The following DCC variants were observed in gnomAD, a reference collection of about 807,000 sequenced individuals.
DCC encodes the protein netrin receptor DCC.
DCC carries 58 observed loss-of-function variants against 172.5 expected under a neutral mutation model. The observed-to-expected ratio is 0.34, with a 90% CI of 0.27 to 0.42. DCC has a LOEUF of 0.42. Among genes scored for constraint, DCC ranks in the 10% least tolerant of loss-of-function variants. DCC has a pLI of 1.00. For synonymous variants in DCC, 709 were observed against 644.5 expected, an observed-to-expected ratio of 1.10 and a Z score of -1.52; for missense variants, 1,740 against 1,791.0, an observed-to-expected ratio of 0.97 and a Z score of 0.51.
intron 2 of DCC, among the ~76,000 whole-genome samples, chr18:52,801,647 C>T (rs920940127): frequency 4.6e-5 from 7 of 152,178 alleles, no homozygotes; most frequent in African/African-American, 1.7e-4. Flanking sequence ...TATTTTGAAT[C>T]TTACAGAAGG....
At chr18:52,360,328 A>G (rs1034118725) in intron 1 of DCC, among the ~76,000 whole-genome samples, 1 of 152,234 alleles carries the variant, frequency 6.6e-6, no homozygotes, top group Admixed American at 6.5e-5. Flanking sequence ...CTGCCACCTT[A>G]TAAAAGACTA....
chr18:53,491,068 G>A (rs1318456934), intron 26 of DCC, among the ~76,000 whole-genome samples: 3 of 152,124 alleles, frequency 2.0e-5, no homozygotes, highest in African/African-American at 7.2e-5. Flanking sequence ...ACCTACCTAT[G>A]TAAAGCCATT....
chr18:52,967,759 A>G (rs1220232581), intron 5 of DCC, among the ~76,000 whole-genome samples: 1 of 152,188 alleles, frequency 6.6e-6, no homozygotes, highest in Non-Finnish European at 1.5e-5. Flanking sequence ...TATATTCGGT[A>G]TATTTATTTA....
At chr18:52,919,635 C>CT (rs11309864) in intron 3 of DCC, among the ~76,000 whole-genome samples, 10,368 of 148,488 alleles carry the variant, frequency 0.07, 469 homozygotes, top group East Asian at 0.24. Flanking sequence ...GTCGATGGTT[C>CT]TTTTTTTTTT....
intron 25 of DCC, among the ~76,000 whole-genome samples, chr18:53,483,246 T>C (rs1182791893): frequency 6.6e-6 from 1 of 152,014 alleles, no homozygotes; most frequent in African/African-American, 2.4e-5. Context: ...TATATATCCA[T>C]AATGTGCTTT....
chr18:53,035,884 CT>C (rs33985130), intron 5 of DCC, among the ~76,000 whole-genome samples: 15,624 of 152,002 alleles, frequency 0.1, 1,146 homozygotes, highest in East Asian at 0.37. Flanking sequence ...TATTTGCATA[CT>C]TGTTGTCATA....
intron 2 of DCC, among the ~76,000 whole-genome samples, chr18:52,772,540 G>A (rs1179395867): frequency 2.6e-5 from 4 of 152,124 alleles, no homozygotes; most frequent in African/African-American, 4.8e-5. Flanking sequence ...TACCATGGGA[G>A]GTCTAATAAT....
chr18:53,252,675 C>G (rs1241947756), intron 12 of DCC, among the ~76,000 whole-genome samples: 1 of 151,822 alleles, frequency 6.6e-6, no homozygotes, highest in East Asian at 1.9e-4. Context: ...AAGGGCTGTT[C>G]AAGATTAAGG....
At chr18:52,662,324 G>C (rs886453664) in intron 1 of DCC, among the ~76,000 whole-genome samples, 1 of 152,114 alleles carries the variant, frequency 6.6e-6, no homozygotes, top group East Asian at 1.9e-4. Context: ...AAACCAGAAA[G>C]CAGAGAGGAG....
At chr18:52,670,154 T>A (rs2035525984) in intron 1 of DCC, among the ~76,000 whole-genome samples, 2 of 152,228 alleles carry the variant, frequency 1.3e-5, no homozygotes, top group African/African-American at 4.8e-5. Context: ...CTGTTGTCTT[T>A]TAAATTTTAG....
chr18:52,369,360 A>G (rs1985016583), intron 1 of DCC, among the ~76,000 whole-genome samples: 1 of 151,856 alleles, frequency 6.6e-6, no homozygotes, highest in African/African-American at 2.4e-5. Context: ...CAGGTCCTTC[A>G]ATAGTGGGAA....
intron 1 of DCC, among the ~76,000 whole-genome samples, chr18:52,721,896 G>A (rs1661300328): frequency 6.6e-6 from 1 of 152,064 alleles, no homozygotes; most frequent in Non-Finnish European, 1.5e-5. Flanking sequence ...ATGGTGGCAG[G>A]CACCTGAATC....
intron 1 of DCC, among the ~76,000 whole-genome samples, chr18:52,454,088 T>C (rs1988387520): frequency 6.6e-6 from 1 of 152,202 alleles, no homozygotes; most frequent in South Asian, 2.1e-4. Context: ...TATCTCTGAC[T>C]GCTTCAGTGA....
intron 1 of DCC, chr18:52,408,945 C>T (rs1253128179): frequency 2.0e-5 from 3 of 151,996 alleles, no homozygotes; most frequent in Non-Finnish European, 4.4e-5. Flanking sequence ...CTCATGTCAT[C>T]CTTATGAGGT....
At chr18:53,110,154 A>T (rs1468647818) in intron 7 of DCC, among the ~76,000 whole-genome samples, 5 of 151,726 alleles carry the variant, frequency 3.3e-5, no homozygotes, top group African/African-American at 1.2e-4. Flanking sequence ...TGAGTTAGAA[A>T]CGAAATATTT....
rs201254259 is a variant in DCC at position 52,360,081 on chromosome 18, TA to T, written c.91+19204del. 4.0e-4 allele frequency among the ~76,000 whole-genome samples: 61 copies of T among 152,352 alleles called. No individual in the cohort carries two copies. In the East Asian group the frequency reaches 0.011, roughly 27 times the overall value. On this transcript the variant is annotated intron_variant, in intron 1 of 28. Coordinates refer to ENST00000442544, the MANE Select transcript of DCC (RefSeq NM_005215.4). Reference sequence around the variant, plus strand: ...GGGTAATTATTACACTATTGCTTTTTATTTTTTTGCAAATCACATTAATTCT... The same window carrying T: ...GGGTAATTATTACACTATTGCTTTTTTTTTTTTGCAAATCACATTAATTCT...
intron 1 of DCC, among the ~76,000 whole-genome samples, chr18:52,463,347 C>T (rs556063740): frequency 8.1e-4 from 123 of 151,336 alleles, no homozygotes; most frequent in East Asian, 1.8e-3. Context: ...CTGGAGTGGG[C>T]GATTGGAAAC....
intron 7 of DCC, among the ~76,000 whole-genome samples, chr18:53,144,670 A>G (rs1008686386): frequency 9.2e-5 from 14 of 152,194 alleles, no homozygotes; most frequent in Non-Finnish European, 1.5e-5. Context: ...AAACCATGTC[A>G]AATAGCCAAT....
chr18:53,150,446 T>C (rs978567597), intron 7 of DCC, among the ~76,000 whole-genome samples: 5 of 152,218 alleles, frequency 3.3e-5, no homozygotes, highest in African/African-American at 1.2e-4. Context: ...TACACTGTGA[T>C]AATGATGGAG....
Sources: allele counts gnomAD v4.1 joint callset (sites outside exome capture counted in the v4.1 genomes callset), GRCh38; gene constraint gnomAD v4.1.1; transcripts MANE v1.5; gene names NCBI Gene and HGNC (gene_info 2026-07-23, HGNC 2026-07-21).